ZMIZ1: variants seen among roughly 807,000 people sequenced by gnomAD.
The protein encoded by ZMIZ1 is zinc finger MIZ-type containing 1, also known as zinc finger MIZ domain-containing protein 1.
Under a neutral mutation model 113.9 loss-of-function variants are expected in ZMIZ1, and 17 were observed. The observed-to-expected ratio is 0.15, with a 90% CI of 0.10 to 0.22. ZMIZ1 has a LOEUF of 0.22. Among genes scored for constraint, ZMIZ1 ranks in the 10% least tolerant of loss-of-function variants. ZMIZ1 has a pLI of 1.00. For synonymous variants in ZMIZ1, 607 were observed against 603.1 expected, an observed-to-expected ratio of 1.01 and a Z score of -0.09; for missense variants, 1,059 against 1,477.8, an observed-to-expected ratio of 0.72 and a Z score of 4.65.
At chr10:79,198,166 G>A (rs1224202532) in intron 4 of ZMIZ1, among the ~76,000 whole-genome samples, 1 of 152,174 alleles carries the variant, frequency 6.6e-6, no homozygotes, top group African/African-American at 2.4e-5. Flanking sequence ...GGCTGAGGCA[G>A]GAGAATGGCG....
At chr10:79,259,117 GA>G (rs1851098639) in intron 7 of ZMIZ1, among the ~76,000 whole-genome samples, 1 of 152,192 alleles carries the variant, frequency 6.6e-6, no homozygotes, top group East Asian at 1.9e-4. Context: ...CCAAGTGATG[GA>G]TGATGTGAGC....
At chr10:79,110,525 C>T (rs1271896637) in intron 1 of ZMIZ1, among the ~76,000 whole-genome samples, 1 of 152,180 alleles carries the variant, frequency 6.6e-6, no homozygotes, top group Non-Finnish European at 1.5e-5. Flanking sequence ...GAAGCCTCAG[C>T]CTGCAAGAGG....
At chr10:79,217,045 T>G (rs1486846083) in intron 7 of ZMIZ1, among the ~76,000 whole-genome samples, 1 of 152,214 alleles carries the variant, frequency 6.6e-6, no homozygotes, top group Admixed American at 6.5e-5. Context: ...AAGTGTGTGG[T>G]CTCTGAGCCT....
chr10:79,070,533 G>T (rs1337564850), intron 1 of ZMIZ1, among the ~76,000 whole-genome samples: 2 of 152,118 alleles, frequency 1.3e-5, no homozygotes, highest in Non-Finnish European at 2.9e-5. Flanking sequence ...CAGGGCAGCC[G>T]GTCCGGGCCC....
chr10:79,138,057 C>T (rs896884308), intron 2 of ZMIZ1, among the ~76,000 whole-genome samples: 2 of 152,328 alleles, frequency 1.3e-5, no homozygotes, highest in African/African-American at 4.8e-5. Flanking sequence ...CTGTTCTCAG[C>T]GGGAGGGGCA....
intron 4 of ZMIZ1, among the ~76,000 whole-genome samples, chr10:79,184,243 A>C (rs575865619): frequency 9.2e-5 from 14 of 152,292 alleles, no homozygotes; most frequent in African/African-American, 3.4e-4. Flanking sequence ...TCAGGGACAG[A>C]AAGCGCTGGC....
chr10:79,293,751 C>G, intron 12 of ZMIZ1, 98 bp downstream of exon 12: 2 of 1,561,106 alleles, frequency 1.3e-6, no homozygotes, highest in Non-Finnish European at 1.8e-6. Context: ...GTGGCTTGGA[C>G]TCCAGCACAC....
At chr10:79,131,657 C>T (rs1435300066) in intron 2 of ZMIZ1, among the ~76,000 whole-genome samples, 4 of 152,094 alleles carry the variant, frequency 2.6e-5, no homozygotes, top group African/African-American at 4.8e-5. Context: ...TCTGCTTCTC[C>T]CCTGTGCTGT....
At chr10:79,111,996 G>T (rs1367571002) in intron 1 of ZMIZ1, among the ~76,000 whole-genome samples, 1 of 152,230 alleles carries the variant, frequency 6.6e-6, no homozygotes, top group Non-Finnish European at 1.5e-5. Context: ...AAAAGTAATG[G>T]CATAGGCAAA....
intron 8 of ZMIZ1, among the ~76,000 whole-genome samples, chr10:79,284,562 G>A (rs1049420547): frequency 6.6e-6 from 1 of 152,224 alleles, no homozygotes; most frequent in Non-Finnish European, 1.5e-5. Flanking sequence ...CTGGTTGGAG[G>A]ACTGGAGAGA....
intron 1 of ZMIZ1, among the ~76,000 whole-genome samples, chr10:79,078,663 T>C (rs1050598248): frequency 7.5e-6 from 1 of 132,754 alleles, no homozygotes; most frequent in Non-Finnish European, 1.5e-5. Context: ...TCCCACCACA[T>C]CCTCCTGAGT....
At chr10:79,144,638 C>A (rs1303931592) in intron 3 of ZMIZ1, among the ~76,000 whole-genome samples, 1 of 152,308 alleles carries the variant, frequency 6.6e-6, no homozygotes, top group Non-Finnish European at 1.5e-5. Flanking sequence ...GCACCAAGTT[C>A]CTCATCAGAA....
At chr10:79,300,610 TG>T (rs1329771400) in intron 16 of ZMIZ1, 121 bp from the exon 17 acceptor site, 1 of 1,220,826 alleles carries the variant, frequency 8.2e-7, no homozygotes, top group Non-Finnish European at 1.1e-6. Flanking sequence ...GGGTCAGGGA[TG>T]GGGTCCTGAG....
chr10:79,094,926 G>A (rs1223688648), intron 1 of ZMIZ1, among the ~76,000 whole-genome samples: 1 of 151,700 alleles, frequency 6.6e-6, no homozygotes. Context: ...TCCAGCCTGT[G>A]TGACAGAGCA....
intron 7 of ZMIZ1, among the ~76,000 whole-genome samples, chr10:79,253,970 G>A (rs114022441): frequency 0.021 from 3,240 of 152,234 alleles, 121 homozygotes; most frequent in African/African-American, 0.074. Flanking sequence ...TTTCCTCTCC[G>A]TTCAGAAAAC....
At chr10:79,303,112 G>A (rs899669089) in intron 18 of ZMIZ1, among the ~76,000 whole-genome samples, 2 of 151,456 alleles carry the variant, frequency 1.3e-5, no homozygotes, top group East Asian at 2.0e-4. Flanking sequence ...CGCCCACCTC[G>A]GCCTCCCAAA....
At chr10:79,254,116 T>A (rs1850727938) in intron 7 of ZMIZ1, among the ~76,000 whole-genome samples, 1 of 152,216 alleles carries the variant, frequency 6.6e-6, no homozygotes, top group Non-Finnish European at 1.5e-5. Flanking sequence ...ATCCTAGAAC[T>A]CCAATTAGGA....
chr10:79,296,296 A>G lies in ZMIZ1; in HGVS notation c.1231-175A>G. ...GCCTATGATCTGGACAGGCAGAACA[A>G]AATGCCCCTGGATGTCAGGACGAGA... On this transcript the variant is annotated intron_variant, in intron 12 of 24. Transcript: ENST00000334512. The surrounding 1 kb of genome is among the most constrained non-coding windows in gnomAD (Gnocchi z 4.1). The G allele has an allele frequency of 1.4e-6, 1 of 717,458 alleles. No homozygotes were observed. Among genetic ancestry groups the G allele is most frequent in the Admixed American group, 2.6e-5 (1 of 38,748 alleles). 44.4% of individuals were successfully genotyped at this position (717,458 alleles called of 1,614,324 possible).
intron 6 of ZMIZ1, among the ~76,000 whole-genome samples, chr10:79,214,326 G>A (rs182461855): frequency 6.6e-6 from 1 of 152,294 alleles, no homozygotes; most frequent in African/African-American, 2.4e-5. Flanking sequence ...CAGCAGAGAC[G>A]TTGAGCAAGC....
Sources: gnomAD v4.1 joint callset for allele counts (sites outside exome capture counted in the v4.1 genomes callset) on GRCh38, gnomAD v4.1.1 for gene constraint, Gnocchi (gnomAD v3.1) non-coding constraint, MANE v1.5 for transcripts, NCBI Gene and HGNC (gene_info 2026-07-23, HGNC 2026-07-21) for gene names.